Variants in ADAMTS16 observed in about 807,000 individuals in gnomAD.
ADAMTS16 encodes A disintegrin and metalloproteinase with thrombospondin motifs 16.
Under a neutral mutation model 145.8 loss-of-function variants are expected in ADAMTS16, and 94 were observed. The observed-to-expected ratio is 0.64, with a 90% CI of 0.55 to 0.77. The LOEUF is 0.77. ADAMTS16 is among the 30% of genes least tolerant of loss of function. ADAMTS16 has a pLI of 0.00. For synonymous variants in ADAMTS16, 659 were observed against 604.3 expected (o/e 1.09, Z -1.33); for missense variants, 1,585 against 1,591.5 (o/e 1.00, Z 0.07).
intron 9 of ADAMTS16, among the ~76,000 whole-genome samples, chr5:5,205,272 A>G (rs1026984774): frequency 6.6e-6 from 1 of 151,816 alleles, no homozygotes; most frequent in Non-Finnish European, 1.5e-5. Flanking sequence ...CCAAATTATT[A>G]ATGTGTCTTT....
chr5:5,166,180 T>A (rs553685236), intron 3 of ADAMTS16, among the ~76,000 whole-genome samples: 2 of 152,112 alleles, frequency 1.3e-5, no homozygotes, highest in Non-Finnish European at 2.9e-5. Context: ...TATCCTCTAA[T>A]TGGGAACATG....
chr5:5,244,893 T>C (rs1737395119), intron 17 of ADAMTS16, among the ~76,000 whole-genome samples: 1 of 152,218 alleles, frequency 6.6e-6, no homozygotes, highest in African/African-American at 2.4e-5. Context: ...CTTCTTCAGT[T>C]CTGGTATTCA....
At chr5:5,293,318 G>C (rs1739403130) in intron 18 of ADAMTS16, among the ~76,000 whole-genome samples, 1 of 152,118 alleles carries the variant, frequency 6.6e-6, no homozygotes, top group African/African-American at 2.4e-5. Context: ...CCTCATGCAA[G>C]TCCTTTGTGT....
intron 18 of ADAMTS16, among the ~76,000 whole-genome samples, chr5:5,289,320 TCTTA>T (rs1579384306): frequency 1.3e-5 from 2 of 152,366 alleles, no homozygotes; most frequent in East Asian, 3.9e-4. Context: ...TGGTTTGCTT[TCTTA>T]CTTACTGCAA....
At chr5:5,224,487 A>C (rs1429026381) in intron 11 of ADAMTS16, among the ~76,000 whole-genome samples, 1 of 152,088 alleles carries the variant, frequency 6.6e-6, no homozygotes, top group East Asian at 1.9e-4. Context: ...ACGGGGTTTC[A>C]CCATGTTGGT....
At chr5:5,276,105 C>T (rs74896126) in intron 18 of ADAMTS16, among the ~76,000 whole-genome samples, 1 of 3,234 alleles carries the variant, frequency 3.1e-4, no homozygotes, top group Admixed American at 0.012. Context: ...GTGATCCACC[C>T]ATCTTGGCCT....
At chr5:5,259,452 T>C (rs1737921080) in intron 17 of ADAMTS16, among the ~76,000 whole-genome samples, 1 of 152,242 alleles carries the variant, frequency 6.6e-6, no homozygotes, top group Non-Finnish European at 1.5e-5. Context: ...CAATCGAGTT[T>C]ATTTTGCCAA....
intron 3 of ADAMTS16, among the ~76,000 whole-genome samples, chr5:5,181,237 G>A (rs1735329891): frequency 6.6e-6 from 1 of 152,134 alleles, no homozygotes. Context: ...ACAGATATAT[G>A]GGCTGGCCCT....
chr5:5,281,648 C>A (rs910916476), intron 18 of ADAMTS16, among the ~76,000 whole-genome samples: 3 of 152,088 alleles, frequency 2.0e-5, no homozygotes, highest in African/African-American at 7.2e-5. Flanking sequence ...CCAAACCAGG[C>A]CATAAATTTT....
chr5:5,303,920 G>A, intron 20 of ADAMTS16, 154 bp downstream of exon 20: 3 of 871,600 alleles, frequency 3.4e-6, no homozygotes, highest in Admixed American at 2.8e-5. Context: ...CAACTTCATG[G>A]GGTTGCTTAA....
intron 13 of ADAMTS16, 47 bp downstream of exon 13, chr5:5,235,233 T>C: frequency 1.4e-6 from 2 of 1,452,054 alleles, no homozygotes; most frequent in Non-Finnish European, 1.8e-6. Context: ...CTTTACTACC[T>C]TTACTTTTTA....
chr5:5,198,708 A>G (rs991786715), intron 8 of ADAMTS16, among the ~76,000 whole-genome samples: 1 of 152,206 alleles, frequency 6.6e-6, no homozygotes, highest in African/African-American at 2.4e-5. Flanking sequence ...TACTAGTAAT[A>G]TATTACTAAA....
intron 21 of ADAMTS16, among the ~76,000 whole-genome samples, chr5:5,315,773 AT>A (rs1313973461): frequency 6.6e-6 from 1 of 152,204 alleles, no homozygotes; most frequent in African/African-American, 2.4e-5. Flanking sequence ...ATCTGGCTCT[AT>A]CCTTGTGACC....
At chr5:5,216,544 A>G (rs1271810777) in intron 10 of ADAMTS16, among the ~76,000 whole-genome samples, 1 of 149,396 alleles carries the variant, frequency 6.7e-6, no homozygotes, top group African/African-American at 2.5e-5. Context: ...GGTCCCAGCT[A>G]TTTATCTTTG....
intron 21 of ADAMTS16, among the ~76,000 whole-genome samples, chr5:5,315,505 G>A (rs1473852681): frequency 6.6e-6 from 1 of 150,732 alleles, no homozygotes; most frequent in African/African-American, 2.4e-5. Flanking sequence ...CATATCTTAA[G>A]CAAGAATGGA....
At chr5:5,268,993 T>C (rs1163459443) in intron 18 of ADAMTS16, among the ~76,000 whole-genome samples, 1 of 152,158 alleles carries the variant, frequency 6.6e-6, no homozygotes, top group Admixed American at 6.5e-5. Context: ...AAGCCATGCC[T>C]GCTGGGTCTA....
In ADAMTS16 at chr5:5,187,815, T is replaced by C. The variant is rs749290483; in HGVS notation, c.1047+7T>C. The C allele has an allele frequency of 6.4e-7, 1 of 1,552,424 alleles. No individual in the cohort carries two copies. The highest frequency in any genetic ancestry group is 8.9e-7 in the Non-Finnish European group (1 of 1,124,776). On this transcript the variant is annotated splice_region_variant and intron_variant, in intron 6 of 22. Transcript: ENST00000274181. The stretch of plus-strand genomic sequence containing the variant: ...TCTTCTAGAAGATGAACAGGTAGTT[T>C]ATCTTTGAAACTATCTACTCTTTTT...
chr5:5,304,999 ACACAC>A (rs1739986496), intron 20 of ADAMTS16, among the ~76,000 whole-genome samples: 3 of 95,330 alleles, frequency 3.1e-5, no homozygotes, highest in East Asian at 3.7e-4. Flanking sequence ...CCACACACAC[ACACAC>A]ATCCCACACC....
chr5:5,161,918 T>A (rs1376275107), intron 3 of ADAMTS16, among the ~76,000 whole-genome samples: 1 of 152,192 alleles, frequency 6.6e-6, no homozygotes, highest in Non-Finnish European at 1.5e-5. Context: ...TTATTTATCT[T>A]ACTGTTCTTT....
Sources: gnomAD v4.1 joint callset for allele counts (sites outside exome capture counted in the v4.1 genomes callset) on GRCh38, gnomAD v4.1.1 for gene constraint, MANE v1.5 for transcripts, NCBI Gene and HGNC (gene_info 2026-07-23, HGNC 2026-07-21) for gene names.